Variants in ATP2C2 observed in about 807,000 individuals in gnomAD.
The protein encoded by ATP2C2 is calcium-transporting ATPase type 2C member 2.
Under a neutral mutation model 110.8 loss-of-function variants are expected in ATP2C2, and 171 were observed. The ratio of observed to expected loss-of-function variants is 1.54; its 90% confidence interval spans 1.36 to 1.75. The LOEUF (loss-of-function observed/expected upper bound fraction) is 1.75, where lower values mean the gene tolerates loss of function less well. ATP2C2 is among the 40% of genes most tolerant of loss of function. The pLI, the probability that ATP2C2 is intolerant of heterozygous loss-of-function variation, is 0.00. For synonymous variants in ATP2C2, 804 were observed against 508.4 expected, an observed-to-expected ratio of 1.58 and a Z score of -7.82; for missense variants, 1,963 against 1,235.0, an observed-to-expected ratio of 1.59 and a Z score of -8.84.
chr16:84,439,430 G>A lies in ATP2C2; in HGVS notation c.1115G>A (p.Cys372Tyr), dbSNP rs377058044. Residue 372 changes from cysteine (C) to tyrosine (Y), a missense_variant, in exon 13 of 27, where the codon TGC (cysteine) becomes TAC (tyrosine). Cys to Tyr is a radical substitution (Grantham distance 194). Coordinates refer to ENST00000262429, the MANE Select transcript of ATP2C2 (RefSeq NM_014861.4). ...AAACTGGTGTTTGTTGTACCAGGTT[G>A]CTGCAGCGTTCTCTGTTCTGACAAG... Reference protein sequence around the residue: ...KKLPIVETLGCCSVLCSDKTG... With the variant: ...KKLPIVETLGYCSVLCSDKTG... 6.2e-7 allele frequency: 1 copy of A among 1,613,986 alleles called. No homozygotes were observed. The highest frequency in any genetic ancestry group is 8.5e-7 in the Non-Finnish European group (1 of 1,179,996).
In ATP2C2 at chr16:84,461,817, G is replaced by T. The variant is rs1450290270; in HGVS notation, c.2580+5G>T. ...GCCTTGACCTGCCGCTCTCAGGTGA[G>T]ACCCGGGCTGACCCTCCTCGCTGCA... is the stretch of plus-strand genomic sequence containing the variant. On this transcript the variant is annotated splice_donor_5th_base_variant and intron_variant, in intron 25 of 26. Transcript: ENST00000262429. 6.2e-7 allele frequency: 1 copy of T among 1,612,424 alleles called. No individual in the cohort carries two copies.
chr16:84,438,654 CA>C (rs1375679593), intron 11 of ATP2C2, among the ~76,000 whole-genome samples: 3 of 152,148 alleles, frequency 2.0e-5, no homozygotes, highest in African/African-American at 7.2e-5. Context: ...ACGCAGCAGG[CA>C]AGTGTGTCGC....
chr16:84,434,984 G>C (rs1464200403), intron 11 of ATP2C2, among the ~76,000 whole-genome samples: 2 of 152,212 alleles, frequency 1.3e-5, no homozygotes, highest in Admixed American at 6.5e-5. Context: ...AACCAACGAA[G>C]CCTTCTGGCT....
chr16:84,439,228 G>C lies in ATP2C2; in HGVS notation c.1049G>C (p.Gly350Ala). 4.3e-6 allele frequency: 7 copies of C among 1,612,328 alleles called. No homozygotes were observed. The highest frequency in any genetic ancestry group is 5.9e-6 in the Non-Finnish European group (7 of 1,180,038). The change falls in exon 12 of 27, where the codon GGA (glycine) becomes GCA (alanine). Residue 350 changes from glycine (G) to alanine (A), a missense_variant. Physicochemically the swap from Gly to Ala is moderately conservative, Grantham distance 60. Coordinates refer to ENST00000262429, the MANE Select transcript of ATP2C2 (RefSeq NM_014861.4). ...GTCGTCATGGTGACGCTGGTCCTGG[G>C]AGTGCTGCGGATGGCCAAGAAGCGG... Reference protein sequence around the residue: ...PIVVMVTLVLGVLRMAKKRVI... With the variant: ...PIVVMVTLVLAVLRMAKKRVI...
At chr16:84,404,612 G>A (rs2150518566) in intron 2 of ATP2C2, 1 of 256,398 alleles carries the variant, frequency 3.9e-6, no homozygotes, top group Admixed American at 5.1e-5. Context: ...AAAGATTGGT[G>A]GGTTGTTTCC....
intron 3 of ATP2C2, chr16:84,406,534 G>C (rs929744039): frequency 1.1e-6 from 1 of 942,536 alleles, no homozygotes; most frequent in Non-Finnish European, 1.3e-6. Context: ...ACAGTCCCCT[G>C]GGCAGCATCC....
chr16:84,443,055 C>G (rs567744389), intron 15 of ATP2C2, among the ~76,000 whole-genome samples: 4 of 152,102 alleles, frequency 2.6e-5, no homozygotes, highest in Non-Finnish European at 4.4e-5. Context: ...GTACCCAGCA[C>G]CAGGTACCAA....
At chr16:84,431,655 A>C (rs1205428874) in intron 11 of ATP2C2, among the ~76,000 whole-genome samples, 1 of 151,872 alleles carries the variant, frequency 6.6e-6, no homozygotes, top group Non-Finnish European at 1.5e-5. Flanking sequence ...TCCGAGGGTC[A>C]CTTGGGGGGG....
At chr16:84,411,734 G>A (rs1906313167) in intron 6 of ATP2C2, among the ~76,000 whole-genome samples, 1 of 152,144 alleles carries the variant, frequency 6.6e-6, no homozygotes, top group Admixed American at 6.5e-5. Flanking sequence ...GAGCCACCGT[G>A]CCCGGCCGAC....
At chr16:84,389,790 C>A (rs1971945) in intron 1 of ATP2C2, among the ~76,000 whole-genome samples, 69,416 of 149,888 alleles carry the variant, frequency 0.46, 16,166 homozygotes, top group South Asian at 0.59. Context: ...GCGCTATCTC[C>A]GCTCACTTCA....
At chr16:84,449,756 C>G (rs1910086886) in intron 17 of ATP2C2, among the ~76,000 whole-genome samples, 1 of 152,194 alleles carries the variant, frequency 6.6e-6, no homozygotes, top group South Asian at 2.1e-4. Flanking sequence ...GTGGCAGCTG[C>G]TTTTGTCATG....
intron 10 of ATP2C2, among the ~76,000 whole-genome samples, chr16:84,424,234 C>T (rs11641743): frequency 0.065 from 9,883 of 152,178 alleles, 539 homozygotes; most frequent in African/African-American, 0.16. Context: ...TAAATTAGAA[C>T]TTAAATTGAC....
chr16:84,456,372 C>T (rs372572752), intron 21 of ATP2C2, among the ~76,000 whole-genome samples: 1 of 151,942 alleles, frequency 6.6e-6, no homozygotes, highest in East Asian at 1.9e-4. Flanking sequence ...TGTATGTGTC[C>T]ACAGCCAATA....
At chr16:84,397,859 A>G (rs117761104) in intron 1 of ATP2C2, among the ~76,000 whole-genome samples, 1 of 151,896 alleles carries the variant, frequency 6.6e-6, no homozygotes, top group East Asian at 1.9e-4. Flanking sequence ...ATGTTGAGTG[A>G]AAGAAATCAG....
intron 15 of ATP2C2, among the ~76,000 whole-genome samples, chr16:84,444,886 T>C (rs182422188): frequency 9.7e-4 from 148 of 152,374 alleles, no homozygotes; most frequent in Admixed American, 2.4e-3. Flanking sequence ...CTGTCTCACC[T>C]GCTCTAAATG....
At chr16:84,412,315 CGT>C (rs573699184) in intron 6 of ATP2C2, among the ~76,000 whole-genome samples, 2,131 of 106,960 alleles carry the variant, frequency 0.02, 46 homozygotes, top group African/African-American at 0.06. Context: ...CATGTCTGCA[CGT>C]GTGTGTGCGT....
chr16:84,462,409 T>A, intron 26 of ATP2C2: 1 of 356,022 alleles, frequency 2.8e-6, no homozygotes. Context: ...GGCTGGAGGC[T>A]CAGAGCACGT....
intron 2 of ATP2C2, among the ~76,000 whole-genome samples, chr16:84,401,247 A>T (rs1280629472): frequency 1.5e-5 from 2 of 133,166 alleles, no homozygotes; most frequent in African/African-American, 5.8e-5. Flanking sequence ...TTTTTGAGAC[A>T]GGGTCTCACT....
chr16:84,460,752 T>C lies in ATP2C2; in HGVS notation c.2432T>C (p.Met811Thr), dbSNP rs776373895. 6 of 1,614,114 alleles carry C rather than the reference T, an allele frequency of 3.7e-6. No individual in the cohort carries two copies. Among genetic ancestry groups the C allele is most frequent in the Non-Finnish European group, 4.2e-6 (5 of 1,179,974 alleles). Residue 811 changes from methionine (M) to threonine (T), a missense_variant, in exon 24 of 27, where the codon ATG (methionine) becomes ACG (threonine). Physicochemically the swap from Met to Thr is moderately conservative, Grantham distance 81 (BLOSUM62 -1). Coordinates refer to ENST00000262429, the MANE Select transcript of ATP2C2 (RefSeq NM_014861.4). ...AGAGCCCTCATCCTGAAGATCCTCA[T>C]GTCCGCGGCCATCATCATCAGCGGG... ...LSRALILKIL[M>T]SAAIIISGTL...
Sources: gnomAD v4.1 joint callset for allele counts (sites outside exome capture counted in the v4.1 genomes callset) on GRCh38, gnomAD v4.1.1 for gene constraint, MANE v1.5 for transcripts, NCBI Gene and HGNC (gene_info 2026-07-23, HGNC 2026-07-21) for gene names.